The following MGAT3 variants were observed in gnomAD, a reference collection of about 807,000 sequenced individuals.
MGAT3 encodes the protein beta-1,4-mannosyl-glycoprotein 4-beta-N-acetylglucosaminyltransferase.
A neutral mutation model predicts 29.8 loss-of-function variants in MGAT3; 9 were observed. The observed-to-expected ratio is 0.30, with a 90% CI of 0.18 to 0.53. The LOEUF (loss-of-function observed/expected upper bound fraction) is 0.53, where lower values mean the gene tolerates loss of function less well. Ranked by LOEUF, MGAT3 falls within the 20% of genes least tolerant of loss-of-function variation. The pLI is 0.96. For missense variants in MGAT3, 557 were observed against 769.5 expected (o/e 0.72, Z 3.27); for synonymous variants, 397 against 348.9 (o/e 1.14, Z -1.54).
rs2145727755 is a variant in MGAT3 at position 39,487,510 on chromosome 22, C to G, written c.163C>G (p.Pro55Ala). The G allele has an allele frequency of 6.2e-7, 1 of 1,613,374 alleles. No homozygotes were observed. The highest frequency in any genetic ancestry group is 1.3e-5 in the African/African-American group (1 of 75,018). The change falls in exon 2 of 2, where the codon CCG (proline) becomes GCG (alanine). Residue 55 changes from proline (P) to alanine (A), a missense_variant. By Grantham distance (27) the Pro-to-Ala change is conservative. Coordinates refer to ENST00000341184, the MANE Select transcript of MGAT3 (RefSeq NM_002409.5). The surrounding 1 kb of genome is among the most constrained non-coding windows in gnomAD (Gnocchi z 5.7). ...GTCCAGCTTTTTCTGGAACAATGCC[C>G]CGGTCACGCCCCAGGCCAGCCCCGA... is the stretch of plus-strand genomic sequence containing the variant. ...LVSSFFWNNA[P>A]VTPQASPEPG...
Position 39,490,960 on chromosome 22 carries a change from C to T in MGAT3, c.*2011C>T, listed in dbSNP as rs1929436729. ...TCTGTCTGTCTGTCTGTCTTTCAGTCTGAGGAATGAGAATCCTGACCTGAG... is the reference window on the plus strand; with the variant it reads ...TCTGTCTGTCTGTCTGTCTTTCAGTTTGAGGAATGAGAATCCTGACCTGAG... On this transcript the variant is annotated 3_prime_UTR_variant, in exon 2 of 2. Transcript: ENST00000341184. 6.0e-6 allele frequency: 1 copy of T among 167,166 alleles called. No individual in the cohort carries two copies. Among genetic ancestry groups the T allele is most frequent in the East Asian group, 1.9e-4 (1 of 5,310 alleles). The allele number at this position is 167,166 out of a possible 1,614,324, so 10.4% of individuals were successfully genotyped here. A position where few individuals can be genotyped will look rare whatever the true frequency, so the allele number is the denominator to read the frequency against.
chr22:39,471,322 C>T (rs1366547751), intron 1 of MGAT3, among the ~76,000 whole-genome samples: 1 of 152,150 alleles, frequency 6.6e-6, no homozygotes, highest in Admixed American at 6.5e-5. Flanking sequence ...AGGATTTATC[C>T]CATTGGCCTC....
At chr22:39,463,053 A>T (rs57775554) in intron 1 of MGAT3, among the ~76,000 whole-genome samples, 2,344 of 152,174 alleles carry the variant, frequency 0.015, 53 homozygotes, top group African/African-American at 0.053. Context: ...GGCCGGCCCG[A>T]GTGGGTTCTG....
chr22:39,462,756 A>T (rs1474144916), intron 1 of MGAT3, among the ~76,000 whole-genome samples: 1 of 152,214 alleles, frequency 6.6e-6, no homozygotes, highest in Non-Finnish European at 1.5e-5. Context: ...CTGAAGTGGA[A>T]TTCCCCCTTT....
At chr22:39,482,147 A>AT (rs11380222) in intron 1 of MGAT3, among the ~76,000 whole-genome samples, 36,807 of 133,788 alleles carry the variant, frequency 0.28, 6,023 homozygotes, top group East Asian at 0.79. Context: ...GGCACTGCTA[A>AT]TTTTTTTTTT....
chr22:39,487,888 A>G lies in MGAT3; in HGVS notation c.541A>G (p.Ser181Gly). 1 of 1,578,174 alleles carries G rather than the reference A, an allele frequency of 6.3e-7. No individual in the cohort carries two copies. The highest frequency in any genetic ancestry group is 8.6e-7 in the Non-Finnish European group (1 of 1,162,186). Reference sequence around the variant, plus strand: ...GTGCCTGCCCGGCTGGCACGGACCCAGCTGCGGCGTGCCCACTGTGGTGCA... The same window carrying G: ...GTGCCTGCCCGGCTGGCACGGACCCGGCTGCGGCGTGCCCACTGTGGTGCA... ...CVCLPGWHGPSCGVPTVVQYS... is the reference protein window; with the variant it reads ...CVCLPGWHGPGCGVPTVVQYS... The change falls in exon 2 of 2, where the codon AGC becomes GGC. Residue 181 changes from serine to glycine, a missense_variant. Coordinates refer to ENST00000341184, the MANE Select transcript of MGAT3 (RefSeq NM_002409.5). This position sits in a 1 kb window ranked among gnomAD's most constrained non-coding sequence, Gnocchi z 5.7.
At chr22:39,480,304 C>T (rs1929086870) in intron 1 of MGAT3, among the ~76,000 whole-genome samples, 1 of 152,204 alleles carries the variant, frequency 6.6e-6, no homozygotes, top group South Asian at 2.1e-4. Flanking sequence ...GGGTTTTGTC[C>T]TCAGAGAGCT....
rs368767520 is a variant in MGAT3 at position 39,488,304 on chromosome 22, C to T, written c.957C>T (p.Asp319=). ...PDDVFIIDDA[D]EIPARDGVLF... is the part of the protein sequence containing the mutation. ...ACGTCTTCATCATTGACGATGCGGACGAGATCCCGGCCCGTGACGGCGTCC... is the reference window on the plus strand; with the variant it reads ...ACGTCTTCATCATTGACGATGCGGATGAGATCCCGGCCCGTGACGGCGTCC... Residue 319 remains aspartate, a synonymous_variant, in exon 2 of 2, where the codon GAC becomes GAT. Transcript: ENST00000341184. 6 of 1,611,816 alleles carry T rather than the reference C, an allele frequency of 3.7e-6. No individual in the cohort carries two copies. Among genetic ancestry groups the T allele is most frequent in the Middle Eastern group, 1.6e-4 (1 of 6,084 alleles).
chr22:39,467,361 C>G (rs548717405), intron 1 of MGAT3, among the ~76,000 whole-genome samples: 52 of 152,250 alleles, frequency 3.4e-4, no homozygotes, highest in Middle Eastern at 3.4e-3. Context: ...TTCTGCCTGG[C>G]TGGGGTGTGC....
Position 39,489,690 on chromosome 22 carries a change from G to A in MGAT3, c.*741G>A, listed in dbSNP as rs1929399590. The A allele has an allele frequency of 6.0e-6, 1 of 167,504 alleles. No homozygotes were observed. Among genetic ancestry groups the A allele is most frequent in the Non-Finnish European group, 1.5e-5 (1 of 68,392 alleles). 10.4% of individuals were successfully genotyped at this position (167,504 alleles called of 1,614,324 possible). A position where few individuals can be genotyped will look rare whatever the true frequency, so the allele number is the denominator to read the frequency against. ...CTTTCCTTTTGGTTCTAAACCCGGCGTTGACGTTCCTTCTCCCTTTCACAT... is the reference window on the plus strand; with the variant it reads ...CTTTCCTTTTGGTTCTAAACCCGGCATTGACGTTCCTTCTCCCTTTCACAT... On this transcript the variant is annotated 3_prime_UTR_variant, in exon 2 of 2. Coordinates refer to ENST00000341184, the MANE Select transcript of MGAT3 (RefSeq NM_002409.5).
intron 1 of MGAT3, among the ~76,000 whole-genome samples, chr22:39,473,501 A>C (rs1055220089): frequency 3.3e-5 from 5 of 152,212 alleles, no homozygotes; most frequent in Non-Finnish European, 5.9e-5. Flanking sequence ...TCACGGCCTA[A>C]TCACCTCTTA....
intron 1 of MGAT3, among the ~76,000 whole-genome samples, chr22:39,466,766 C>G (rs1313593779): frequency 6.6e-6 from 1 of 152,220 alleles, no homozygotes. Flanking sequence ...GTTACTGACC[C>G]CGGCCTCTAA....
chr22:39,467,800 G>A (rs1928696387), intron 1 of MGAT3, among the ~76,000 whole-genome samples: 1 of 138,200 alleles, frequency 7.2e-6, no homozygotes, highest in Non-Finnish European at 1.5e-5. Flanking sequence ...GGCAATCTCG[G>A]CTCAGTCTCA....
rs1730287627 is a variant in MGAT3, at chr22:39,489,120, C to T, written c.*171C>T. 1.1e-6 allele frequency: 1 copy of T among 928,726 alleles called. No individual in the cohort carries two copies. Among genetic ancestry groups the T allele is most frequent in the Admixed American group, 2.9e-5 (1 of 34,202 alleles). The allele number at this position is 928,726 out of a possible 1,614,324, so 57.5% of individuals were successfully genotyped here. On this transcript the variant is annotated 3_prime_UTR_variant, in exon 2 of 2. Transcript: ENST00000341184. ...AGCCCTTGTGAATCAAGGGTCAGGC[C>T]TTTGAGCTCAGAAAATATCCCTCCT... is the stretch of plus-strand genomic sequence containing the variant.
chr22:39,475,000 G>A (rs1455709148), intron 1 of MGAT3, among the ~76,000 whole-genome samples: 6 of 152,102 alleles, frequency 3.9e-5, no homozygotes, highest in Admixed American at 3.9e-4. Flanking sequence ...CAGCGCCCCT[G>A]CCTTCCTGGA....
intron 1 of MGAT3, among the ~76,000 whole-genome samples, chr22:39,484,867 G>T (rs1021003735): frequency 1.3e-5 from 2 of 152,122 alleles, no homozygotes; most frequent in African/African-American, 2.4e-5. Context: ...TCAGGGCATG[G>T]TGGCACACGC....
chr22:39,483,494 TA>T (rs1929185692), intron 1 of MGAT3, among the ~76,000 whole-genome samples: 1 of 126,364 alleles, frequency 7.9e-6, no homozygotes, highest in Admixed American at 7.8e-5. Context: ...TCAAAAAAAT[TA>T]AAAAATTAAA....
rs779090266 is a variant in MGAT3 at position 39,490,728 on chromosome 22, TG to T, written c.*1782del. 6 of 167,050 alleles carry T rather than the reference TG, an allele frequency of 3.6e-5. No individual in the cohort carries two copies. Among genetic ancestry groups the T allele is most frequent in the Non-Finnish European group, 8.8e-5 (6 of 68,162 alleles). 10.3% of individuals were successfully genotyped at this position (167,050 alleles called of 1,614,324 possible). Reference sequence around the variant, plus strand: ...TTGTGCGTGTGTGTGTGTATATTTATGGGCATGGGTGCATGCTTGGTGTGTA... The same window carrying T: ...TTGTGCGTGTGTGTGTGTATATTTATGGCATGGGTGCATGCTTGGTGTGTA... On this transcript the variant is annotated 3_prime_UTR_variant, in exon 2 of 2. Transcript: ENST00000341184.
At chr22:39,471,483 G>A (rs962714690) in intron 1 of MGAT3, among the ~76,000 whole-genome samples, 1 of 152,014 alleles carries the variant, frequency 6.6e-6, no homozygotes, top group Non-Finnish European at 1.5e-5. Context: ...ATAATTACAG[G>A]CTTGAGCAGC....
Sources: allele counts gnomAD v4.1 joint callset (sites outside exome capture counted in the v4.1 genomes callset), GRCh38; gene constraint gnomAD v4.1.1; non-coding constraint Gnocchi (gnomAD v3.1); transcripts MANE v1.5; gene names NCBI Gene and HGNC (gene_info 2026-07-23, HGNC 2026-07-21).